The following RORA variants were observed in gnomAD, a reference collection of about 807,000 sequenced individuals.
RORA encodes the protein RAR related orphan receptor A.
In RORA, 7 loss-of-function variants were observed where a neutral mutation model predicts 69.5. The observed-to-expected ratio is 0.10, with a 90% CI of 0.06 to 0.19. The LOEUF is 0.19. RORA is among the 10% of genes least tolerant of loss of function. The pLI is 1.00. For synonymous variants in RORA, 261 were observed against 240.8 expected (o/e 1.08, Z -0.78); for missense variants, 457 against 663.0 (o/e 0.69, Z 3.41).
intron 1 of RORA, among the ~76,000 whole-genome samples, chr15:60,702,970 A>G (rs1256920610): frequency 6.6e-6 from 1 of 152,210 alleles, no homozygotes; most frequent in Non-Finnish European, 1.5e-5. Context: ...CCTTTCTCAC[A>G]ATGAGATGTT....
intron 2 of RORA, among the ~76,000 whole-genome samples, chr15:60,626,940 C>A (rs2069599158): frequency 6.6e-6 from 1 of 152,172 alleles, no homozygotes; most frequent in Non-Finnish European, 1.5e-5. Context: ...CTGCTGCCTA[C>A]CTGCCTCCTC....
intron 1 of RORA, chr15:60,763,990 C>G (rs548374732): frequency 6.6e-6 from 1 of 152,222 alleles, no homozygotes; most frequent in Non-Finnish European, 1.5e-5. Flanking sequence ...TTTACTTGCT[C>G]TCACTAGGGA....
intron 1 of RORA, among the ~76,000 whole-genome samples, chr15:60,861,033 T>C (rs2073431404): frequency 6.6e-6 from 1 of 152,194 alleles, no homozygotes; most frequent in African/African-American, 2.4e-5. Context: ...ACACAGTCCT[T>C]AGGGGTATCC....
intron 2 of RORA, among the ~76,000 whole-genome samples, chr15:60,543,544 T>C (rs2066970718): frequency 1.3e-5 from 2 of 152,156 alleles, no homozygotes; most frequent in South Asian, 4.1e-4. Flanking sequence ...AGTGGTGCGA[T>C]CACAGCTCAC....
chr15:60,547,899 C>T (rs372140400), intron 2 of RORA: 30 of 152,206 alleles, frequency 2.0e-4, no homozygotes, highest in African/African-American at 6.5e-4. Flanking sequence ...GGAAGTATAC[C>T]TCCTAGTACG....
chr15:60,910,384 C>T (rs1891669947), intron 1 of RORA, among the ~76,000 whole-genome samples: 1 of 152,226 alleles, frequency 6.6e-6, no homozygotes, highest in Non-Finnish European at 1.5e-5. Flanking sequence ...CACTTAGCCA[C>T]TACTGTTTTT....
chr15:60,996,430 A>G (rs1360134037), intron 1 of RORA, among the ~76,000 whole-genome samples: 2 of 152,112 alleles, frequency 1.3e-5, no homozygotes, highest in African/African-American at 4.8e-5. Flanking sequence ...AACTCACTGA[A>G]CTGAACACAA....
chr15:61,186,660 A>G (rs971605949), intron 1 of RORA, among the ~76,000 whole-genome samples: 3 of 151,130 alleles, frequency 2.0e-5, no homozygotes, highest in African/African-American at 4.9e-5. Flanking sequence ...AAAAAAAAAA[A>G]AAAAAAAGGG....
At chr15:61,108,829 C>G (rs2078976126) in intron 1 of RORA, among the ~76,000 whole-genome samples, 1 of 152,196 alleles carries the variant, frequency 6.6e-6, no homozygotes, top group Non-Finnish European at 1.5e-5. Context: ...GTTTTGCTAT[C>G]TCATTTGACA....
intron 2 of RORA, among the ~76,000 whole-genome samples, chr15:60,532,363 G>C (rs534128751): frequency 6.6e-6 from 1 of 152,076 alleles, no homozygotes; most frequent in Non-Finnish European, 1.5e-5. Flanking sequence ...AAAAATTAAC[G>C]CAGTTGCCAT....
intron 1 of RORA, among the ~76,000 whole-genome samples, chr15:61,071,720 C>T (rs768844688): frequency 4.7e-5 from 7 of 148,576 alleles, no homozygotes; most frequent in Non-Finnish European, 8.9e-5. Context: ...ATTCACTGAG[C>T]CATACAAAGG....
chr15:60,629,187 C>CTTTTATTTTTTTTTTTTT (rs2069670763), intron 2 of RORA, among the ~76,000 whole-genome samples: 1 of 112,030 alleles, frequency 8.9e-6, no homozygotes, highest in African/African-American at 3.7e-5. Flanking sequence ...ACTGTTTATT[C>CTTTTATTTTTTTTTTTTT]TTTTTTTTTT....
chr15:60,744,308 C>T (rs2071618297), intron 1 of RORA, among the ~76,000 whole-genome samples: 1 of 152,168 alleles, frequency 6.6e-6, no homozygotes, highest in Non-Finnish European at 1.5e-5. Context: ...TGACACTGTG[C>T]TGACACGGGG....
chr15:61,117,194 T>TA (rs1555412349), intron 1 of RORA, among the ~76,000 whole-genome samples: 1 of 150,796 alleles, frequency 6.6e-6, no homozygotes, highest in African/African-American at 2.4e-5. Context: ...TTTTTTTTTT[T>TA]AACATAAACT....
At chr15:61,008,454 G>A (rs1028870927) in intron 1 of RORA, among the ~76,000 whole-genome samples, 2 of 152,080 alleles carry the variant, frequency 1.3e-5, no homozygotes, top group Non-Finnish European at 2.9e-5. Context: ...GATCAAGAAC[G>A]CATGAACAGG....
At position 60,905,497 on chromosome 15, in the gene RORA, T is replaced by C. The variant is rs1891511243; in HGVS notation, c.167-226811A>G. 6.6e-6 allele frequency among the ~76,000 whole-genome samples: 1 copy of C among 151,678 alleles called. No homozygotes were observed. The highest frequency in any genetic ancestry group is 2.4e-5 in the African/African-American group (1 of 40,936). ...GCTCTATAAGGTATTCAATGGTTAATTAAGACACGAGTGTCATTGCTGAGC... is the reference window on the plus strand; with the variant it reads ...GCTCTATAAGGTATTCAATGGTTAACTAAGACACGAGTGTCATTGCTGAGC... On this transcript the variant is annotated intron_variant, in intron 1 of 10. Transcript: ENST00000335670. This position sits in a 1 kb window ranked among gnomAD's most constrained non-coding sequence, Gnocchi z 4.8.
intron 1 of RORA, among the ~76,000 whole-genome samples, chr15:61,175,462 T>C (rs923442311): frequency 6.7e-6 from 1 of 150,308 alleles, no homozygotes; most frequent in Non-Finnish European, 1.5e-5. Flanking sequence ...ACCCCAGCAC[T>C]CTGGGTGGCT....
Position 60,497,197 on chromosome 15 carries a change from G to T in RORA, c.*258C>A. The T allele has an allele frequency of 2.8e-6, 1 of 362,600 alleles. No individual in the cohort carries two copies. The highest frequency in any genetic ancestry group is 4.3e-5 in the South Asian group (1 of 22,994). 22.5% of individuals were successfully genotyped at this position (362,600 alleles called of 1,614,324 possible). Reference sequence around the variant, plus strand: ...TACCCTCCTCCTGTTGTAAACAGAGGTCAATGATCAAGAAGTCAAGACAGA... The same window carrying T: ...TACCCTCCTCCTGTTGTAAACAGAGTTCAATGATCAAGAAGTCAAGACAGA... On this transcript the variant is annotated 3_prime_UTR_variant, in exon 11 of 11. Transcript: ENST00000335670.
At chr15:60,978,491 T>C (rs1242604421) in intron 1 of RORA, among the ~76,000 whole-genome samples, 1 of 152,218 alleles carries the variant, frequency 6.6e-6, no homozygotes, top group Non-Finnish European at 1.5e-5. Flanking sequence ...TTCTTGGTAG[T>C]GTCCATTGAT....
Sources: allele counts gnomAD v4.1 joint callset (sites outside exome capture counted in the v4.1 genomes callset), GRCh38; gene constraint gnomAD v4.1.1; non-coding constraint Gnocchi (gnomAD v3.1); transcripts MANE v1.5; gene names NCBI Gene and HGNC (gene_info 2026-07-23, HGNC 2026-07-21).